The following AVEN variants were observed in gnomAD, a reference collection of about 807,000 sequenced individuals.
The protein encoded by AVEN is apoptosis and caspase activation inhibitor, also known as cell death regulator Aven.
In AVEN, 41 loss-of-function variants were observed where a neutral mutation model predicts 38.1. The ratio of observed to expected loss-of-function variants is 1.08; its 90% CI spans 0.84 to 1.40. The LOEUF is 1.40. Ranked by LOEUF, AVEN falls within the 40% of genes most tolerant of loss-of-function variation. AVEN has a pLI of 0.00. For missense variants in AVEN, 605 were observed against 438.8 expected (o/e 1.38, Z -3.38); for synonymous variants, 206 against 171.8 (o/e 1.20, Z -1.56).
At chr15:34,030,115 A>G (rs903354427) in intron 1 of AVEN, among the ~76,000 whole-genome samples, 1 of 152,008 alleles carries the variant, frequency 6.6e-6, no homozygotes, top group South Asian at 2.1e-4. Flanking sequence ...TTAGCCAGGC[A>G]TGGTGGCACA....
intron 2 of AVEN, chr15:33,991,621 C>G (rs1365154183): frequency 1.3e-5 from 2 of 151,892 alleles, no homozygotes; most frequent in African/African-American, 2.4e-5. Context: ...CCCACATATC[C>G]TTTTCTCAAA....
chr15:34,064,149 C>T (rs1231371997), intron 4 of AVEN: 13 of 1,614,218 alleles, frequency 8.1e-6, no homozygotes, highest in Non-Finnish European at 1.1e-5. Context: ...CACCCTGTGG[C>T]ACTTGGGCTA....
chr15:33,983,128 CTGTGTGTG>C (rs373285133), intron 2 of AVEN, among the ~76,000 whole-genome samples: 45 of 135,344 alleles, frequency 3.3e-4, no homozygotes, highest in African/African-American at 6.9e-4. Flanking sequence ...TGTCCATACT[CTGTGTGTG>C]TGTGTGTGTG....
intron 2 of AVEN, among the ~76,000 whole-genome samples, chr15:33,938,902 C>T (rs1191429846): frequency 3.9e-5 from 6 of 151,982 alleles, no homozygotes; most frequent in East Asian, 1.9e-4. Context: ...AATGCAATGG[C>T]GCCATCTCGG....
At chr15:34,069,530 TG>T (rs1197835485) in intron 2 of AVEN, among the ~76,000 whole-genome samples, 1 of 152,210 alleles carries the variant, frequency 6.6e-6, no homozygotes, top group Non-Finnish European at 1.5e-5. Flanking sequence ...TAATTGTTTT[TG>T]GGGGGCCAAG....
chr15:33,941,346 TTATC>T (rs1894313324), intron 2 of AVEN, among the ~76,000 whole-genome samples: 1 of 152,314 alleles, frequency 6.6e-6, no homozygotes, highest in East Asian at 1.9e-4. Context: ...AAAGAATCAT[TTATC>T]TATTTCTAAA....
At chr15:33,869,608 G>A (rs1407492033) in intron 4 of AVEN, among the ~76,000 whole-genome samples, 1 of 152,144 alleles carries the variant, frequency 6.6e-6, no homozygotes, top group Non-Finnish European at 1.5e-5. Context: ...AGAGGCAAAT[G>A]TAATTCTTTC....
At chr15:33,896,497 G>T (rs1892238604) in intron 2 of AVEN, among the ~76,000 whole-genome samples, 2 of 152,062 alleles carry the variant, frequency 1.3e-5, no homozygotes, top group African/African-American at 4.8e-5. Flanking sequence ...TATAATACTT[G>T]TCCATCCAGT....
At position 33,917,563 on chromosome 15, in the gene AVEN, TACAC is replaced by T. The variant is rs34155332; in HGVS notation, c.446-41572_446-41569del. 5.0e-3 allele frequency among the ~76,000 whole-genome samples: 752 copies of T among 149,476 alleles called. 6 individuals are homozygous for T. The highest frequency in any genetic ancestry group is 0.017 in the African/African-American group (682 of 40,552). ...TATATCAATCACACATGTGTATGTATACACACACACACACACAATGGAATACTAC... is the reference window on the plus strand; with the variant it reads ...TATATCAATCACACATGTGTATGTATACACACACACACAATGGAATACTAC... On this transcript the variant is annotated intron_variant, in intron 2 of 5. Transcript: ENST00000306730.
At chr15:33,891,040 C>T (rs1037099110) in intron 2 of AVEN, among the ~76,000 whole-genome samples, 11 of 145,766 alleles carry the variant, frequency 7.5e-5, no homozygotes, top group Admixed American at 6.1e-4. Flanking sequence ...GGCCAGGGGG[C>T]GAAGGTTGCA....
intron 2 of AVEN, among the ~76,000 whole-genome samples, chr15:33,887,424 A>G (rs1255288192): frequency 6.6e-6 from 1 of 152,132 alleles, no homozygotes; most frequent in Admixed American, 6.5e-5. Flanking sequence ...TATGGGGTAA[A>G]ATTCTAGTTT....
chr15:33,924,020 T>A (rs1395023088), intron 2 of AVEN, among the ~76,000 whole-genome samples: 1 of 151,862 alleles, frequency 6.6e-6, no homozygotes, highest in African/African-American at 2.4e-5. Flanking sequence ...GTAATAATAA[T>A]AGAAATAAAG....
chr15:33,873,487 A>G (rs1265854921), intron 3 of AVEN, among the ~76,000 whole-genome samples: 1 of 147,322 alleles, frequency 6.8e-6, no homozygotes, highest in South Asian at 2.1e-4. Flanking sequence ...GTGTGTACAT[A>G]TATATAATAT....
chr15:33,882,875 G>A (rs1430202132), intron 2 of AVEN, among the ~76,000 whole-genome samples: 1 of 151,994 alleles, frequency 6.6e-6, no homozygotes, highest in Non-Finnish European at 1.5e-5. Flanking sequence ...CCAAGACCCT[G>A]TCTCAAACAA....
At chr15:33,853,779 A>G in the AVEN span, 1 of 1,486,592 alleles carries the variant, frequency 6.7e-7, no homozygotes, top group East Asian at 2.3e-5. Flanking sequence ...TTGTTCTCTC[A>G]GGCTGTGGTC....
At chr15:33,887,684 A>G (rs984694237) in intron 2 of AVEN, among the ~76,000 whole-genome samples, 1 of 152,202 alleles carries the variant, frequency 6.6e-6, no homozygotes, top group African/African-American at 2.4e-5. Context: ...ACAGAAAAAA[A>G]GAAACTTAAA....
chr15:33,860,469 T>C, intron 11 of AVEN: 2 of 557,842 alleles, frequency 3.6e-6, no homozygotes. Flanking sequence ...ACGAGTATTA[T>C]TTTTCTAATT....
intron 5 of AVEN, among the ~76,000 whole-genome samples, chr15:34,060,185 C>T (rs549410225): frequency 6.6e-6 from 1 of 152,198 alleles, no homozygotes; most frequent in African/African-American, 2.4e-5. Context: ...GCTTCAACAA[C>T]TTGAAGAATG....
At chr15:34,017,015 A>ATCCTTGT (rs200358414) in intron 1 of AVEN, among the ~76,000 whole-genome samples, 1 of 151,710 alleles carries the variant, frequency 6.6e-6, no homozygotes, top group Non-Finnish European at 1.5e-5. Flanking sequence ...CCTGTAGTCC[A>ATCCTTGT]AGCTACTCAG....
Sources: gnomAD v4.1 joint callset for allele counts (sites outside exome capture counted in the v4.1 genomes callset) on GRCh38, gnomAD v4.1.1 for gene constraint, MANE v1.5 for transcripts, NCBI Gene and HGNC (gene_info 2026-07-23, HGNC 2026-07-21) for gene names.